PEBP4: variants seen among roughly 807,000 people sequenced by gnomAD.
The protein encoded by PEBP4 is phosphatidylethanolamine-binding protein 4.
PEBP4 carries 22 observed loss-of-function variants against 23.9 expected under a neutral mutation model. The observed-to-expected ratio is 0.92, with a 90% CI of 0.66 to 1.31. The LOEUF is 1.31. Among genes scored for constraint, PEBP4 ranks in the 40% most tolerant of loss-of-function variants. The pLI is 0.00. For missense variants in PEBP4, 324 were observed against 281.7 expected (o/e 1.15, Z -1.07); for synonymous variants, 112 against 99.3 (o/e 1.13, Z -0.76).
chr8:22,768,194 T>C (rs187656437), intron 4 of PEBP4, among the ~76,000 whole-genome samples: 47 of 152,290 alleles, frequency 3.1e-4, no homozygotes, highest in African/African-American at 1.1e-3. Flanking sequence ...CTGGGGTCCC[T>C]AGCAGGCTGT....
At chr8:22,915,393 C>A (rs940900234) in intron 3 of PEBP4, among the ~76,000 whole-genome samples, 1 of 151,866 alleles carries the variant, frequency 6.6e-6, no homozygotes, top group Non-Finnish European at 1.5e-5. Flanking sequence ...CCGCCCCGAC[C>A]CCCGACCCAA....
At chr8:22,758,486 T>A (rs1243142961) in intron 4 of PEBP4, among the ~76,000 whole-genome samples, 1 of 152,226 alleles carries the variant, frequency 6.6e-6, no homozygotes, top group Non-Finnish European at 1.5e-5. Context: ...TGATTTGGCC[T>A]GTGGGCTGTC....
At chr8:22,842,258 G>A (rs929385070) in intron 3 of PEBP4, among the ~76,000 whole-genome samples, 3 of 152,162 alleles carry the variant, frequency 2.0e-5, no homozygotes, top group African/African-American at 4.8e-5. Context: ...GCGGATGGTC[G>A]ATTCACAGTG....
chr8:22,843,434 CA>C (rs1807367006), intron 3 of PEBP4, among the ~76,000 whole-genome samples: 1 of 152,192 alleles, frequency 6.6e-6, no homozygotes, highest in African/African-American at 2.4e-5. Context: ...ATAGAATGAA[CA>C]GTTTCCTAGG....
chr8:22,919,383 C>A (rs527990025), intron 3 of PEBP4, among the ~76,000 whole-genome samples: 1 of 152,294 alleles, frequency 6.6e-6, no homozygotes, highest in African/African-American at 2.4e-5. Flanking sequence ...TAAAACACAG[C>A]AGAAAAGAGG....
At chr8:22,817,800 G>A in intron 3 of PEBP4, 65 bp from the exon 4 acceptor site, 2 of 1,446,352 alleles carry the variant, frequency 1.4e-6, no homozygotes, top group Non-Finnish European at 1.9e-6. Context: ...CCACGGGGCA[G>A]ACCTCCTTTT....
At chr8:22,857,251 C>T (rs1807673427) in intron 3 of PEBP4, among the ~76,000 whole-genome samples, 1 of 151,212 alleles carries the variant, frequency 6.6e-6, no homozygotes, top group East Asian at 1.9e-4. Flanking sequence ...TACACACACA[C>T]ACACACACAC....
intron 4 of PEBP4, among the ~76,000 whole-genome samples, chr8:22,802,155 C>G (rs1050421690): frequency 1.3e-5 from 2 of 152,196 alleles, no homozygotes; most frequent in African/African-American, 4.8e-5. Flanking sequence ...TGCGAAGCAA[C>G]AGAACCCGCT....
At chr8:22,725,692 C>A (rs1804609901) in intron 5 of PEBP4, among the ~76,000 whole-genome samples, 1 of 152,296 alleles carries the variant, frequency 6.6e-6, no homozygotes, top group African/African-American at 2.4e-5. Context: ...CCCCTTCCCA[C>A]TCCCCTTCCC....
chr8:22,818,044 G>T (rs1242918561), intron 3 of PEBP4, among the ~76,000 whole-genome samples: 1 of 152,220 alleles, frequency 6.6e-6, no homozygotes, highest in African/African-American at 2.4e-5. Flanking sequence ...GAGGAATCAA[G>T]GAAACCTAAA....
chr8:22,755,944 C>T (rs1805371274), intron 4 of PEBP4: 1 of 152,218 alleles, frequency 6.6e-6, no homozygotes. Context: ...CTGCTGCTGC[C>T]GTACATCTGC....
chr8:22,869,914 G>A (rs758843807), intron 3 of PEBP4, among the ~76,000 whole-genome samples: 15 of 152,212 alleles, frequency 9.9e-5, no homozygotes, highest in Non-Finnish European at 2.1e-4. Flanking sequence ...ATCAAATGCT[G>A]ATGACGATGT....
chr8:22,886,839 G>C (rs1056581992), intron 3 of PEBP4: 2 of 152,484 alleles, frequency 1.3e-5, no homozygotes, highest in African/African-American at 4.8e-5. Flanking sequence ...GGGTGTTTGA[G>C]GGAGCAGTTA....
chr8:22,853,409 C>T (rs1807585071), intron 3 of PEBP4, among the ~76,000 whole-genome samples: 1 of 152,190 alleles, frequency 6.6e-6, no homozygotes, highest in Non-Finnish European at 1.5e-5. Flanking sequence ...TAAAGGAAGT[C>T]AATGCCGGGC....
At chr8:22,719,058 T>G (rs1173527833) in intron 6 of PEBP4, among the ~76,000 whole-genome samples, 2 of 152,088 alleles carry the variant, frequency 1.3e-5, no homozygotes, top group Non-Finnish European at 2.9e-5. Context: ...ATGTGGCAAG[T>G]CCCTGCCCGT....
chr8:22,792,459 G>T (rs575438104), intron 4 of PEBP4, among the ~76,000 whole-genome samples: 5 of 151,950 alleles, frequency 3.3e-5, no homozygotes, highest in Non-Finnish European at 7.4e-5. Flanking sequence ...CAGTGGTATC[G>T]GTCCGTGTCC....
At chr8:22,846,104 G>A (rs950339099) in intron 3 of PEBP4, among the ~76,000 whole-genome samples, 2 of 152,142 alleles carry the variant, frequency 1.3e-5, no homozygotes, top group African/African-American at 4.8e-5. Flanking sequence ...GTTTCTGGTG[G>A]GTTGCTTCTC....
rs1391882752 is a variant in PEBP4 at position 22,865,599 on chromosome 8, G to A, written c.259-47864C>T. Among the ~76,000 whole-genome samples, 2 of 152,170 alleles carry A rather than the reference G, an allele frequency of 1.3e-5. No homozygotes were observed. The highest frequency in any genetic ancestry group is 2.9e-5 in the Non-Finnish European group (2 of 68,012). ...AGGAATTCCCTCCGCCCGGGCGCAC[G>A]CGGCCCCCCGCCCCCGCCCCATCCT... On this transcript the variant is annotated intron_variant, in intron 3 of 6. Coordinates refer to ENST00000256404, the MANE Select transcript of PEBP4 (RefSeq NM_144962.3). This position sits in a 1 kb window ranked among gnomAD's most constrained non-coding sequence, Gnocchi z 6.9.
chr8:22,927,440 G>A (rs1017938391), intron 2 of PEBP4, 144 bp downstream of exon 2: 12 of 944,816 alleles, frequency 1.3e-5, no homozygotes, highest in Non-Finnish European at 1.8e-5. Flanking sequence ...CCATCAAGGT[G>A]GTCTCCAGAT....
Sources: gnomAD v4.1 joint callset for allele counts (sites outside exome capture counted in the v4.1 genomes callset) on GRCh38, gnomAD v4.1.1 for gene constraint, Gnocchi (gnomAD v3.1) non-coding constraint, MANE v1.5 for transcripts, NCBI Gene and HGNC (gene_info 2026-07-23, HGNC 2026-07-21) for gene names.